Variants in PPP4R4 observed in about 807,000 individuals in gnomAD.
The protein encoded by PPP4R4 is serine/threonine-protein phosphatase 4 regulatory subunit 4.
In PPP4R4, 70 loss-of-function variants were observed where a neutral mutation model predicts 121.8. That is an observed-to-expected ratio of 0.57 (90% CI 0.47 to 0.70). The LOEUF is 0.70. Among genes scored for constraint, PPP4R4 ranks in the 30% least tolerant of loss-of-function variants. The pLI, the probability that PPP4R4 is intolerant of heterozygous loss-of-function variation, is 0.00. For missense variants in PPP4R4, 875 were observed against 1,033.6 expected, an observed-to-expected ratio of 0.85 and a Z score of 2.10; for synonymous variants, 348 against 355.7, an observed-to-expected ratio of 0.98 and a Z score of 0.24.
At chr14:94,218,693 ACG>A (rs1190953999) in intron 3 of PPP4R4, among the ~76,000 whole-genome samples, 2 of 76,502 alleles carry the variant, frequency 2.6e-5, no homozygotes, top group South Asian at 5.4e-4. Context: ...TAGACACTGC[ACG>A]CGCGCGCGCG....
At chr14:94,200,081 C>T (rs1200855288) in intron 2 of PPP4R4, among the ~76,000 whole-genome samples, 1 of 151,872 alleles carries the variant, frequency 6.6e-6, no homozygotes, top group African/African-American at 2.4e-5. Context: ...GCACCCCCTC[C>T]CATATCAATA....
chr14:94,229,668 AAGGATTAATATTCCT>A (rs1891905284), intron 3 of PPP4R4, among the ~76,000 whole-genome samples: 1 of 149,772 alleles, frequency 6.7e-6, no homozygotes, highest in South Asian at 2.1e-4. Context: ...AATAATGCAG[AAGGATTAATATTCCT>A]AAGATCACTG....
At chr14:94,267,482 A>G (rs1595545784) in intron 23 of PPP4R4, among the ~76,000 whole-genome samples, 1 of 152,200 alleles carries the variant, frequency 6.6e-6, no homozygotes, top group Non-Finnish European at 1.5e-5. Flanking sequence ...TTGTTGGCCA[A>G]ATTGAACTCT....
intron 23 of PPP4R4, 26 bp from the exon 24 acceptor site, chr14:94,275,348 T>C (rs1213047701): frequency 6.2e-7 from 1 of 1,612,080 alleles, no homozygotes; most frequent in South Asian, 1.1e-5. Flanking sequence ...ATTTGGTATG[T>C]CTGACTTTAT....
chr14:94,236,389 T>C (rs988472807), intron 7 of PPP4R4, among the ~76,000 whole-genome samples: 11 of 152,184 alleles, frequency 7.2e-5, no homozygotes, highest in African/African-American at 2.7e-4. Context: ...CTGAGCAAAA[T>C]TTATATGAAA....
intron 3 of PPP4R4, among the ~76,000 whole-genome samples, chr14:94,217,718 G>A (rs188514366): frequency 6.6e-6 from 1 of 152,368 alleles, no homozygotes; most frequent in Non-Finnish European, 1.5e-5. Context: ...AAATAGGCCG[G>A]GCGTGGTGGC....
intron 3 of PPP4R4, among the ~76,000 whole-genome samples, chr14:94,216,122 G>A (rs1237122332): frequency 6.6e-6 from 1 of 152,248 alleles, no homozygotes; most frequent in African/African-American, 2.4e-5. Context: ...AAGCTTGTAA[G>A]TGAGTAAGGA....
intron 2 of PPP4R4, among the ~76,000 whole-genome samples, chr14:94,192,134 AAAAAT>A: frequency 6.6e-6 from 1 of 152,258 alleles, no homozygotes; most frequent in African/African-American, 2.4e-5. Flanking sequence ...GGTCCTACTA[AAAAAT>A]ATTATTTGTT....
At chr14:94,175,003 A>G (rs1888597538) in intron 1 of PPP4R4, among the ~76,000 whole-genome samples, 1 of 97,300 alleles carries the variant, frequency 1.0e-5, no homozygotes, top group Admixed American at 1.4e-4. Context: ...CTGCCCCTCG[A>G]GGCCGCAGCC....
chr14:94,244,466 C>G (rs954261998), intron 11 of PPP4R4, among the ~76,000 whole-genome samples, 169 bp from the exon 12 acceptor site: 1 of 152,134 alleles, frequency 6.6e-6, no homozygotes, highest in African/African-American at 2.4e-5. Flanking sequence ...GACTAGAAAG[C>G]TGGTTATTTG....
chr14:94,239,693 T>A (rs1234974343), intron 8 of PPP4R4, among the ~76,000 whole-genome samples: 1 of 152,074 alleles, frequency 6.6e-6, no homozygotes, highest in Non-Finnish European at 1.5e-5. Context: ...AGAACAGAGC[T>A]GAGTAGTTGA....
At chr14:94,211,640 C>G (rs890233765) in intron 3 of PPP4R4, among the ~76,000 whole-genome samples, 1 of 152,138 alleles carries the variant, frequency 6.6e-6, no homozygotes, top group Non-Finnish European at 1.5e-5. Context: ...GTCTTTAAAG[C>G]AGGCAGTGAC....
At chr14:94,201,042 G>T (rs1020191521) in intron 2 of PPP4R4, among the ~76,000 whole-genome samples, 1 of 152,004 alleles carries the variant, frequency 6.6e-6, no homozygotes, top group Non-Finnish European at 1.5e-5. Flanking sequence ...TTATTCAGTT[G>T]AAAGAATTTT....
chr14:94,199,847 G>A (rs990147195), intron 2 of PPP4R4, among the ~76,000 whole-genome samples: 6 of 152,134 alleles, frequency 3.9e-5, no homozygotes, highest in South Asian at 2.1e-4. Flanking sequence ...GTTTTCTTCC[G>A]CTGGAGTGTT....
At chr14:94,178,324 A>G (rs1888789602) in intron 2 of PPP4R4, among the ~76,000 whole-genome samples, 1 of 151,422 alleles carries the variant, frequency 6.6e-6, no homozygotes, top group Non-Finnish European at 1.5e-5. Context: ...TGCATTGAAT[A>G]TTATATAAAT....
intron 14 of PPP4R4, 28 bp from the exon 15 acceptor site, chr14:94,250,144 A>G (rs1456872951): frequency 1.4e-6 from 2 of 1,437,586 alleles, no homozygotes; most frequent in Non-Finnish European, 2.0e-6. Flanking sequence ...AGCCTAGTGT[A>G]ACTGTCTGTC....
At chr14:94,175,031 C>G (rs1888599065) in intron 1 of PPP4R4, among the ~76,000 whole-genome samples, 1 of 148,688 alleles carries the variant, frequency 6.7e-6, no homozygotes, top group Non-Finnish European at 1.5e-5. Flanking sequence ...CCCCGGTCCT[C>G]TCCTGGGCTC....
At chr14:94,253,030 A>G (rs1458338113) in intron 16 of PPP4R4, among the ~76,000 whole-genome samples, 2 of 152,384 alleles carry the variant, frequency 1.3e-5, no homozygotes, top group East Asian at 1.9e-4. Flanking sequence ...GAACAAATCT[A>G]GAAGTTTTTC....
chr14:94,217,336 C>G (rs1891077741), intron 3 of PPP4R4, among the ~76,000 whole-genome samples: 2 of 152,146 alleles, frequency 1.3e-5, no homozygotes, highest in Admixed American at 1.3e-4. Context: ...ATTGCCATAG[C>G]AACAAAAAGC....
Sources: gnomAD v4.1 joint callset for allele counts (sites outside exome capture counted in the v4.1 genomes callset) on GRCh38, gnomAD v4.1.1 for gene constraint, MANE v1.5 for transcripts, NCBI Gene and HGNC (gene_info 2026-07-23, HGNC 2026-07-21) for gene names.